Variants in PHF14 observed in about 807,000 individuals in gnomAD.
The protein encoded by PHF14 is PHD finger protein 14.
Under a neutral mutation model 117.9 loss-of-function variants are expected in PHF14, and 55 were observed. That is an observed-to-expected ratio of 0.47 (90% CI 0.38 to 0.58). PHF14 has a LOEUF of 0.58. PHF14 is among the 20% of genes least tolerant of loss of function. PHF14 has a pLI of 0.00. For missense variants in PHF14, 978 were observed against 1,122.2 expected, an observed-to-expected ratio of 0.87 and a Z score of 1.84; for synonymous variants, 409 against 368.6, an observed-to-expected ratio of 1.11 and a Z score of -1.26.
At chr7:11,043,802 C>G (rs1216988712) in intron 13 of PHF14, among the ~76,000 whole-genome samples, 1 of 152,060 alleles carries the variant, frequency 6.6e-6, no homozygotes, top group Non-Finnish European at 1.5e-5. Context: ...CAAATCCCAA[C>G]AATGTTAATA....
chr7:10,974,052 T>G lies in PHF14; in HGVS notation c.-272T>G. On this transcript the variant is annotated 5_prime_UTR_variant, in exon 1 of 18. Transcript: ENST00000634607. ...AATTAACTCCCCGGGGCCGCCGGGT[T>G]GACTGCGCTGCCTGGGCCGGAGGTC... The G allele has an allele frequency of 2.3e-6, 1 of 427,758 alleles. No homozygotes were observed. The highest frequency in any genetic ancestry group is 4.5e-5 in the South Asian group (1 of 22,226). 26.5% of individuals were successfully genotyped at this position (427,758 alleles called of 1,614,324 possible).
chr7:11,098,317 T>G (rs1786953599), intron 16 of PHF14, among the ~76,000 whole-genome samples: 1 of 152,188 alleles, frequency 6.6e-6, no homozygotes, highest in Non-Finnish European at 1.5e-5. Context: ...TTCCTATGGC[T>G]TCCTTGAGAC....
At chr7:11,152,768 C>T (rs923338212) in intron 17 of PHF14, among the ~76,000 whole-genome samples, 1 of 152,124 alleles carries the variant, frequency 6.6e-6, no homozygotes, top group African/African-American at 2.4e-5. Context: ...GGAAAACAAT[C>T]TGAGTGATGG....
chr7:11,144,152 C>A (rs1297563420), intron 17 of PHF14, among the ~76,000 whole-genome samples: 1 of 152,086 alleles, frequency 6.6e-6, no homozygotes, highest in Middle Eastern at 3.4e-3. Flanking sequence ...AATTGCAAAT[C>A]AAACCATGAT....
intron 17 of PHF14, among the ~76,000 whole-genome samples, chr7:11,118,142 A>C (rs775927121): frequency 8.6e-5 from 13 of 151,894 alleles, no homozygotes; most frequent in Non-Finnish European, 1.6e-4. Context: ...TCTGGAAAAA[A>C]AGTTGTTTCT....
At chr7:11,137,449 T>TATTTAATTTTTTTC (rs1486435775) in intron 17 of PHF14, among the ~76,000 whole-genome samples, 1 of 152,186 alleles carries the variant, frequency 6.6e-6, no homozygotes, top group African/African-American at 2.4e-5. Flanking sequence ...TTAAGACATT[T>TATTTAATTTTTTTC]ATTTAATTTT....
At chr7:10,989,585 T>C (rs1306956743) in intron 3 of PHF14, among the ~76,000 whole-genome samples, 1 of 152,150 alleles carries the variant, frequency 6.6e-6, no homozygotes, top group Non-Finnish European at 1.5e-5. Context: ...AAGCAGACCC[T>C]CTTCTGAAAT....
At chr7:10,996,290 T>C (rs1406727692) in intron 4 of PHF14, among the ~76,000 whole-genome samples, 3 of 152,234 alleles carry the variant, frequency 2.0e-5, no homozygotes, top group Non-Finnish European at 4.4e-5. Context: ...AGTAAAAGTT[T>C]GGTTTTAAAC....
chr7:11,054,805 C>T lies in PHF14; in HGVS notation c.2481+3025C>T, dbSNP rs1436248824. Among the ~76,000 whole-genome samples, 15 of 152,208 alleles carry T rather than the reference C, an allele frequency of 9.9e-5. No homozygotes were observed. In the East Asian group the frequency reaches 2.7e-3, roughly 27 times the overall value. Reference sequence around the variant, plus strand: ...CACTTTTATTTCAGCACAGGTATTACAATTGGGAACATTCTGTCTTGTAAT... The same window carrying T: ...CACTTTTATTTCAGCACAGGTATTATAATTGGGAACATTCTGTCTTGTAAT... On this transcript the variant is annotated intron_variant, in intron 14 of 17. Transcript: ENST00000634607.
At chr7:10,989,868 T>C (rs547786220) in intron 3 of PHF14, among the ~76,000 whole-genome samples, 1 of 152,182 alleles carries the variant, frequency 6.6e-6, no homozygotes, top group African/African-American at 2.4e-5. Flanking sequence ...TGGCCTCAAG[T>C]GATCCTCCTG....
At chr7:11,103,522 G>A in intron 16 of PHF14, 4 of 985,180 alleles carry the variant, frequency 4.1e-6, no homozygotes, top group African/African-American at 3.5e-5. Flanking sequence ...GCAGAAGTAT[G>A]TTGAATATTT....
At chr7:11,033,184 C>A (rs1281458300) in intron 7 of PHF14, among the ~76,000 whole-genome samples, 1 of 152,156 alleles carries the variant, frequency 6.6e-6, no homozygotes, top group Non-Finnish European at 1.5e-5. Flanking sequence ...TCAACCAATG[C>A]ATTAATTAGG....
chr7:11,061,959 G>A lies in PHF14; in HGVS notation c.2533-5G>A. 1 of 1,584,664 alleles carries A rather than the reference G, an allele frequency of 6.3e-7. No individual in the cohort carries two copies. Among genetic ancestry groups the A allele is most frequent in the Non-Finnish European group, 8.6e-7 (1 of 1,164,890 alleles). On this transcript the variant is annotated splice_polypyrimidine_tract_variant and splice_region_variant and intron_variant, in intron 15 of 17. Transcript: ENST00000634607. Reference sequence around the variant, plus strand: ...TGTTTTATTTTATTATCCCTTGTATGGCAGGAAAGAGTTCCTAGAGAGAGA... The same window carrying A: ...TGTTTTATTTTATTATCCCTTGTATAGCAGGAAAGAGTTCCTAGAGAGAGA...
intron 17 of PHF14, among the ~76,000 whole-genome samples, chr7:11,119,725 C>T (rs1787696383): frequency 6.6e-6 from 1 of 151,788 alleles, no homozygotes; most frequent in African/African-American, 2.4e-5. Flanking sequence ...TTGTTTCCAA[C>T]CTACATATTG....
At position 11,013,866 on chromosome 7, in the gene PHF14, C is replaced by T. The variant is rs778217000; in HGVS notation, c.1165C>T (p.Pro389Ser). 3.1e-6 allele frequency: 5 copies of T among 1,607,390 alleles called. No homozygotes were observed. Among genetic ancestry groups the T allele is most frequent in the Non-Finnish European group, 4.3e-6 (5 of 1,175,264 alleles). Residue 389 changes from proline to serine, a missense_variant, in exon 5 of 18, where the codon CCT (proline) becomes TCT (serine). Transcript: ENST00000634607. ...TGTTTCTCCTAGCTGTGAACTGTGT[C>T]CTAATCAGGATGGAATTTTCAAGGA... ...CGVSPSCELC[P>S]NQDGIFKETD... is the part of the protein sequence containing the mutation.
chr7:11,035,835 A>G (rs762597697), intron 8 of PHF14, 49 bp downstream of exon 8: 74 of 1,476,886 alleles, frequency 5.0e-5, no homozygotes, highest in Non-Finnish European at 6.7e-5. Context: ...AAGGTTATGT[A>G]AGGATTTTAC....
rs151115921 is a variant in PHF14 at position 10,983,890 on chromosome 7, C to A, written c.900+731C>A. Among the ~76,000 whole-genome samples, 4 of 152,250 alleles carry A rather than the reference C, an allele frequency of 2.6e-5. No individual in the cohort carries two copies. The East Asian group carries it at 7.7e-4, about 29-fold the overall frequency. On this transcript the variant is annotated intron_variant, in intron 3 of 17. Coordinates refer to ENST00000634607, the MANE Select transcript of PHF14 (RefSeq NM_001007157.2). ...CTGAAAGTTAGGTTTATTCATTGAT[C>A]TCAGAGATGCATCATTCAAGACTCT...
rs376953948 is a variant in PHF14 at position 11,045,416 on chromosome 7, A to AT, written c.2312+2607dup. On this transcript the variant is annotated intron_variant, in intron 13 of 17. Transcript: ENST00000634607. ...TATAATATTTCTGAATGGCCGGTTT[A>AT]TTTTTGCTGTCTTTATGTTTTGCAA... 3.5e-3 allele frequency among the ~76,000 whole-genome samples: 532 copies of AT among 152,132 alleles called. 4 individuals are homozygous for AT. Among genetic ancestry groups the AT allele is most frequent in the Non-Finnish European group, 5.0e-3 (337 of 67,994 alleles).
chr7:11,016,828 G>A (rs570432272), intron 5 of PHF14, among the ~76,000 whole-genome samples: 1 of 152,126 alleles, frequency 6.6e-6, no homozygotes, highest in South Asian at 2.1e-4. Context: ...TTAAACAGTA[G>A]GTCTTAGTCT....
Sources: gnomAD v4.1 joint callset for allele counts (sites outside exome capture counted in the v4.1 genomes callset) on GRCh38, gnomAD v4.1.1 for gene constraint, MANE v1.5 for transcripts, NCBI Gene and HGNC (gene_info 2026-07-23, HGNC 2026-07-21) for gene names.